Variants in LDHD observed in about 807,000 individuals in gnomAD.
The protein encoded by LDHD is D-lactate dehydrogenase, mitochondrial.
Under a neutral mutation model 52.9 loss-of-function variants are expected in LDHD, and 58 were observed. The observed-to-expected ratio is 1.10, with a 90% CI of 0.89 to 1.36. The LOEUF (loss-of-function observed/expected upper bound fraction) is 1.36. LDHD is among the 40% of genes most tolerant of loss of function. The pLI, the probability that LDHD is intolerant of heterozygous loss-of-function variation, is 0.00. For missense variants in LDHD, 747 were observed against 668.0 expected (o/e 1.12, Z -1.30); for synonymous variants, 350 against 288.6 (o/e 1.21, Z -2.16).
chr16:75,113,737 C>T lies in LDHD; in HGVS notation c.958+5G>A, dbSNP rs373958416. ...ACCCTGCTGCCCCACTCCACCCCAG[C>T]ATACCTGTGCGCTGCAGCTGCTCCT... is the stretch of plus-strand genomic sequence containing the variant. On this transcript the variant is annotated splice_donor_5th_base_variant and intron_variant, in intron 7 of 10. Transcript: ENST00000450168. The T allele has an allele frequency of 1.7e-5, 28 of 1,613,832 alleles. No homozygotes were observed. The African/African-American group carries it at 3.5e-4, about 20-fold the overall frequency.
At chr16:75,114,377 C>T in intron 5 of LDHD, 149 bp downstream of exon 5, 2 of 1,378,400 alleles carry the variant, frequency 1.5e-6, no homozygotes, top group South Asian at 1.4e-5. Flanking sequence ...TCCACTTTGG[C>T]CCAGCTGACA....
In LDHD at chr16:75,112,877, G is replaced by T. The variant is rs571838219; in HGVS notation, c.1134C>A (p.Ile378=). The T allele has an allele frequency of 3.1e-6, 5 of 1,613,342 alleles. No homozygotes were observed. The highest frequency in any genetic ancestry group is 1.3e-5 in the African/African-American group (1 of 75,054). ...VCVPISRLPE[I]VVQTKEDLNA... ...TCAGATCCTCCTTGGTCTGCACCAC[G>T]ATCTCCGGCAGCCGGGAGATGGGCA... The change falls in exon 9 of 11, where the codon ATC becomes ATA. Residue 378 remains isoleucine (I), a synonymous_variant. Transcript: ENST00000450168.
intron 5 of LDHD, 98 bp from the exon 6 acceptor site, chr16:75,114,263 C>T: frequency 3.2e-6 from 5 of 1,572,288 alleles, no homozygotes; most frequent in Non-Finnish European, 4.3e-6. Flanking sequence ...ACCCCAGGCA[C>T]TGAGGTCTGG....
In LDHD at chr16:75,114,645, G is replaced by A. The variant is rs369212691; in HGVS notation, c.510C>T (p.Thr170=). 869 of 1,530,616 alleles carry A rather than the reference G, an allele frequency of 5.7e-4. No individual in the cohort carries two copies. Among genetic ancestry groups the A allele is most frequent in the Non-Finnish European group, 7.2e-4 (823 of 1,140,432 alleles). The allele number at this position is 1,530,616 out of a possible 1,614,324, so 94.8% of individuals were successfully genotyped here. The change falls in exon 5 of 11, where the codon ACC becomes ACT. Residue 170 remains threonine, a synonymous_variant. Transcript: ENST00000450168. ...ADASLCGMAA[T]GASGTNAVRY... ...GGACCGCGTTGGTCCCCGACGCCCC[G>A]GTGGCCGCCATGCCACAGAGAGAGG...
chr16:75,115,302 C>T lies in LDHD; in HGVS notation c.223G>A (p.Val75Met), dbSNP rs2036523808. The T allele has an allele frequency of 1.2e-6, 2 of 1,613,650 alleles. No individual in the cohort carries two copies. Among genetic ancestry groups the T allele is most frequent in the Non-Finnish European group, 1.7e-6 (2 of 1,180,020 alleles). ...PPDAVVWPQN[V>M]EQVSRLAALC... ...GCTGCCAGCCGGCTGACCTGCTCCA[C>T]GTTCTGGGGCCACACCACAGCATCA... is the stretch of plus-strand genomic sequence containing the variant. Residue 75 changes from valine (V) to methionine (M), a missense_variant, in exon 3 of 11, where the codon GTG becomes ATG. Coordinates refer to ENST00000450168, the MANE Select transcript of LDHD (RefSeq NM_194436.3).
intron 4 of LDHD, 48 bp downstream of exon 4, chr16:75,114,779 T>G: frequency 1.9e-6 from 3 of 1,595,088 alleles, no homozygotes; most frequent in South Asian, 1.1e-5. Flanking sequence ...GACACAGCCC[T>G]GCTCCCACGG....
chr16:75,116,558 C>T (rs962217830), intron 1 of LDHD, 91 bp downstream of exon 1: 15 of 1,057,684 alleles, frequency 1.4e-5, no homozygotes, highest in East Asian at 7.5e-5. Flanking sequence ...GGTGCTGGGG[C>T]GTCACAGAGC....
In LDHD at chr16:75,115,449, C is replaced by T. The variant is rs1212588427; in HGVS notation, c.185+99G>A. On this transcript the variant is annotated intron_variant, in intron 2 of 10. Coordinates refer to ENST00000450168, the MANE Select transcript of LDHD (RefSeq NM_194436.3). ...GGGGCAGAGAACATGCCAGAGCACC[C>T]CAAAACAGATGAGTGAGGAGGAAGG... 4 of 1,588,800 alleles carry T rather than the reference C, an allele frequency of 2.5e-6. 1 individual carries two copies. The highest frequency in any genetic ancestry group is 3.4e-6 in the Non-Finnish European group (4 of 1,160,736).
In LDHD at chr16:75,115,234, G is replaced by T. The variant is rs371928252; in HGVS notation, c.291C>A (p.Thr97=). 1.2e-6 allele frequency: 2 copies of T among 1,613,096 alleles called. No homozygotes were observed. Among genetic ancestry groups the T allele is most frequent in the Non-Finnish European group, 1.7e-6 (2 of 1,180,008 alleles). The part of the protein sequence containing the change: ...RQGVPIIPFG[T]GTGLEGGVCA... ...AGACGCCACCCTCAAGCCCGGTGCC[G>T]GTGCCGAATGGGATGATGGGCACAC... The change falls in exon 3 of 11, where the codon ACC becomes ACA. Residue 97 remains threonine, a synonymous_variant. Transcript: ENST00000450168.
chr16:75,116,565 G>A, intron 1 of LDHD, 84 bp downstream of exon 1: 1 of 1,179,764 alleles, frequency 8.5e-7, no homozygotes, highest in Non-Finnish European at 1.2e-6. Context: ...GGGCGTCACA[G>A]AGCCCAGGAA....
Position 75,114,810 on chromosome 16 carries a change from A to G in LDHD, c.469+17T>C. 1.9e-6 allele frequency: 3 copies of G among 1,607,850 alleles called. No homozygotes were observed. Among genetic ancestry groups the G allele is most frequent in the Non-Finnish European group, 2.5e-6 (3 of 1,177,008 alleles). On this transcript the variant is annotated intron_variant, in intron 4 of 10. Coordinates refer to ENST00000450168, the MANE Select transcript of LDHD (RefSeq NM_194436.3). The stretch of plus-strand genomic sequence containing the variant: ...CACGGTGCCCTCAGGGTCCCAGGAA[A>G]GGTTCGCGAGTCCTACCCACGGGAA...
rs751515409 is a variant in LDHD at position 75,115,559 on chromosome 16, C to G, written c.174G>C (p.Glu58Asp). The change falls in exon 2 of 11, where the codon GAG (glutamate) becomes GAC (aspartate). Residue 58 changes from glutamate to aspartate, a missense_variant. By Grantham distance (45) the Glu-to-Asp change is conservative. Coordinates refer to ENST00000450168, the MANE Select transcript of LDHD (RefSeq NM_194436.3). ...AVVREQHGRD[E>D]SVHRCEPPDA... ...GAACCCTCCCATACCTGTGCACCGA[C>G]TCATCGCGCCCGTGCTGCTCTCGGA... 8.0e-5 allele frequency: 129 copies of G among 1,613,048 alleles called. No homozygotes were observed. The highest frequency in any genetic ancestry group is 1.6e-4 in the Middle Eastern group (1 of 6,062).
chr16:75,112,096 A>G lies in LDHD; in HGVS notation c.*260T>C, dbSNP rs1349139065. Reference sequence around the variant, plus strand: ...CCGCCAGGACAGGATGCGTAGGAGCAGAGAGGAAGCAGCTTTGCTGGGAAC... The same window carrying G: ...CCGCCAGGACAGGATGCGTAGGAGCGGAGAGGAAGCAGCTTTGCTGGGAAC... On this transcript the variant is annotated 3_prime_UTR_variant, in exon 11 of 11. Coordinates refer to ENST00000450168, the MANE Select transcript of LDHD (RefSeq NM_194436.3). 1 of 464,654 alleles carries G rather than the reference A, an allele frequency of 2.2e-6. No individual in the cohort carries two copies. Among genetic ancestry groups the G allele is most frequent in the Non-Finnish European group, 3.8e-6 (1 of 261,726 alleles). 28.8% of individuals were successfully genotyped at this position (464,654 alleles called of 1,614,324 possible).
Position 75,112,722 on chromosome 16 carries a change from C to T in LDHD, c.1178-9G>A, listed in dbSNP as rs1444995991. The T allele has an allele frequency of 2.5e-6, 4 of 1,611,988 alleles. No individual in the cohort carries two copies. The highest frequency in any genetic ancestry group is 2.7e-5 in the African/African-American group (2 of 74,874). ...ATGCCCGACAATGCTTCCTGGGGGCCCAGAGGACAGAACTATTCTCCAGCC... is the reference window on the plus strand; with the variant it reads ...ATGCCCGACAATGCTTCCTGGGGGCTCAGAGGACAGAACTATTCTCCAGCC... On this transcript the variant is annotated splice_polypyrimidine_tract_variant and intron_variant, in intron 9 of 10. Coordinates refer to ENST00000450168, the MANE Select transcript of LDHD (RefSeq NM_194436.3).
chr16:75,115,146 G>GC, intron 3 of LDHD, 52 bp downstream of exon 3: 1 of 1,559,510 alleles, frequency 6.4e-7, no homozygotes, highest in Non-Finnish European at 8.7e-7. Context: ...CCACAGGTGT[G>GC]CCAAGGTGTG....
chr16:75,115,049 C>T (rs2036514524), intron 3 of LDHD, 81 bp from the exon 4 acceptor site: 5 of 1,537,356 alleles, frequency 3.3e-6, no homozygotes, highest in Middle Eastern at 1.8e-4. Context: ...CCGCGGGTGT[C>T]CCCCCAGCAG....
At chr16:75,114,331 G>A (rs371132347) in intron 5 of LDHD, 166 bp from the exon 6 acceptor site, 4 of 1,472,648 alleles carry the variant, frequency 2.7e-6, no homozygotes, top group Non-Finnish European at 3.6e-6. Flanking sequence ...CACAAAGCCA[G>A]TCGGCCTCAG....
chr16:75,112,133 G>A lies in LDHD; in HGVS notation c.*223C>T, dbSNP rs539492448. ...GCTTTGCTGGGAACCACCCTGGGTC[G>A]TTTACTGAACCAAAGGCTCCTGGGG... On this transcript the variant is annotated 3_prime_UTR_variant, in exon 11 of 11. Transcript: ENST00000450168. The A allele has an allele frequency of 3.9e-5, 22 of 559,102 alleles. No homozygotes were observed. The East Asian group carries it at 4.4e-4, about 11-fold the overall frequency. 34.6% of individuals were successfully genotyped at this position (559,102 alleles called of 1,614,324 possible).
chr16:75,116,728 C>A lies in LDHD; in HGVS notation c.-8G>T. 6.3e-7 allele frequency: 1 copy of A among 1,580,482 alleles called. No homozygotes were observed. Among genetic ancestry groups the A allele is most frequent in the South Asian group, 1.2e-5 (1 of 86,202 alleles). ...CCTGAGCAGTCGGGCCATAGCCAGGCACTGGCCAGAGGGTGTGAGCACTGG... is the reference window on the plus strand; with the variant it reads ...CCTGAGCAGTCGGGCCATAGCCAGGAACTGGCCAGAGGGTGTGAGCACTGG... On this transcript the variant is annotated 5_prime_UTR_variant, in exon 1 of 11. Transcript: ENST00000450168.
Sources: gnomAD v4.1 joint callset for allele counts on GRCh38, gnomAD v4.1.1 for gene constraint, MANE v1.5 for transcripts, NCBI Gene and HGNC (gene_info 2026-07-23, HGNC 2026-07-21) for gene names.